APLF: variants seen among roughly 807,000 people sequenced by gnomAD.
APLF encodes the protein aprataxin and PNKP like factor.
Under a neutral mutation model 55.6 loss-of-function variants are expected in APLF, and 61 were observed. That is an observed-to-expected ratio of 1.10 (90% confidence interval 0.89 to 1.36). APLF has a LOEUF of 1.36. Ranked by LOEUF, APLF falls within the 40% of genes most tolerant of loss-of-function variation. The pLI, the probability that APLF is intolerant of heterozygous loss-of-function variation, is 0.00. For missense variants in APLF, 611 were observed against 602.5 expected, an observed-to-expected ratio of 1.01 and a Z score of -0.15; for synonymous variants, 207 against 214.8, an observed-to-expected ratio of 0.96 and a Z score of 0.32.
At chr2:68,542,818 A>G (rs1425294171) in intron 7 of APLF, among the ~76,000 whole-genome samples, 1 of 152,210 alleles carries the variant, frequency 6.6e-6, no homozygotes, top group African/African-American at 2.4e-5. Context: ...GTATATATCC[A>G]TAAGAATTGA....
rs1669455205 is a variant in APLF, at chr2:68,513,246, C to T, written c.489+19C>T. The T allele has an allele frequency of 6.3e-7, 1 of 1,591,772 alleles. No homozygotes were observed. The highest frequency in any genetic ancestry group is 8.5e-7 in the Non-Finnish European group (1 of 1,171,378). Reference sequence around the variant, plus strand: ...TAGTGTGGTGAGAAATTTGATATCTCATCCATTTATAACATGTTCTTCAAG... The same window carrying T: ...TAGTGTGGTGAGAAATTTGATATCTTATCCATTTATAACATGTTCTTCAAG... On this transcript the variant is annotated intron_variant, in intron 4 of 9. Coordinates refer to ENST00000303795, the MANE Select transcript of APLF (RefSeq NM_173545.3).
At chr2:68,519,602 C>T (rs1669831971) in intron 5 of APLF, among the ~76,000 whole-genome samples, 1 of 149,100 alleles carries the variant, frequency 6.7e-6, no homozygotes, top group Admixed American at 6.7e-5. Flanking sequence ...TTCCTTCCTG[C>T]AAATTGAGGA....
chr2:68,486,099 G>GT (rs533870702), intron 1 of APLF, among the ~76,000 whole-genome samples: 37 of 152,046 alleles, frequency 2.4e-4, no homozygotes, highest in Non-Finnish European at 4.3e-4. Flanking sequence ...GTCAATCAGA[G>GT]TTTTTTTGCA....
At chr2:68,506,383 A>C (rs563747786) in intron 3 of APLF, among the ~76,000 whole-genome samples, 1 of 151,624 alleles carries the variant, frequency 6.6e-6, no homozygotes, top group Non-Finnish European at 1.5e-5. Flanking sequence ...AGCAAGGGGA[A>C]GTGGACTATG....
intron 5 of APLF, among the ~76,000 whole-genome samples, chr2:68,519,031 G>GAATATATAATATATT (rs1669799191): frequency 9.5e-6 from 1 of 105,804 alleles, no homozygotes. Flanking sequence ...TATAATATAT[G>GAATATATAATATATT]ATTAATATAT....
rs550618591 is a variant in APLF, at chr2:68,579,314, G to A, written c.*1292G>A. On this transcript the variant is annotated 3_prime_UTR_variant, in exon 10 of 10. Coordinates refer to ENST00000303795, the MANE Select transcript of APLF (RefSeq NM_173545.3). Reference sequence around the variant, plus strand: ...ATTTTTATCTCTTATTGTTATTTGGGAACTATTTTTCCCCTTATAATGTCC... The same window carrying A: ...ATTTTTATCTCTTATTGTTATTTGGAAACTATTTTTCCCCTTATAATGTCC... The A allele has an allele frequency of 4.4e-6, 4 of 900,258 alleles. No homozygotes were observed. Among genetic ancestry groups the A allele is most frequent in the Non-Finnish European group, 4.0e-6 (3 of 752,772 alleles). 55.8% of individuals were successfully genotyped at this position (900,258 alleles called of 1,614,324 possible). A position where few individuals can be genotyped will look rare whatever the true frequency, so the allele number is the denominator to read the frequency against.
intron 6 of APLF, among the ~76,000 whole-genome samples, chr2:68,532,182 A>G (rs1468433378): frequency 1.3e-5 from 2 of 152,216 alleles, no homozygotes; most frequent in Non-Finnish European, 2.9e-5. Flanking sequence ...GCTGTAGTGC[A>G]GAGCAGGTGA....
chr2:68,532,147 T>C (rs998220605), intron 6 of APLF, among the ~76,000 whole-genome samples: 5 of 152,138 alleles, frequency 3.3e-5, no homozygotes, highest in Non-Finnish European at 7.4e-5. Flanking sequence ...ACTGAACCTT[T>C]AGAACAGCTA....
At chr2:68,546,368 G>T (rs1415524727) in intron 8 of APLF, among the ~76,000 whole-genome samples, 1 of 151,942 alleles carries the variant, frequency 6.6e-6, no homozygotes, top group East Asian at 1.9e-4. Flanking sequence ...TTTTTACACA[G>T]ACTACTCCAA....
intron 7 of APLF, 52 bp downstream of exon 7, chr2:68,538,279 CT>C: frequency 6.8e-7 from 1 of 1,474,626 alleles, no homozygotes; most frequent in Non-Finnish European, 9.2e-7. Context: ...TAGCGTGTAG[CT>C]ATGTAGATAC....
chr2:68,475,424 A>C (rs1039853403), intron 1 of APLF, among the ~76,000 whole-genome samples: 1 of 152,236 alleles, frequency 6.6e-6, no homozygotes, highest in Non-Finnish European at 1.5e-5. Flanking sequence ...AAAGTGATGC[A>C]TATTAATCAG....
intron 9 of APLF, 71 bp downstream of exon 9, chr2:68,567,458 G>T (rs1480105191): frequency 2.5e-6 from 3 of 1,196,330 alleles, no homozygotes; most frequent in East Asian, 2.5e-5. Context: ...CTAGTTTCCA[G>T]TTATTATGAA....
chr2:68,518,489 TTAA>T (rs1483455763), intron 5 of APLF, among the ~76,000 whole-genome samples: 12 of 113,960 alleles, frequency 1.1e-4, no homozygotes, highest in African/African-American at 2.9e-4. Flanking sequence ...CATAATAACA[TTAA>T]TAATATATAA....
chr2:68,518,089 T>C (rs1441914947), intron 5 of APLF, among the ~76,000 whole-genome samples: 2 of 132,526 alleles, frequency 1.5e-5, no homozygotes, highest in African/African-American at 5.5e-5. Context: ...ATAATATTAA[T>C]ATATATTAAT....
intron 1 of APLF, among the ~76,000 whole-genome samples, chr2:68,476,022 A>G (rs1167881566): frequency 1.3e-5 from 2 of 151,662 alleles, no homozygotes; most frequent in Non-Finnish European, 2.9e-5. Flanking sequence ...CAAATCCTAT[A>G]CTAGATGACT....
chr2:68,575,132 A>G (rs1671587370), intron 9 of APLF, among the ~76,000 whole-genome samples: 1 of 151,476 alleles, frequency 6.6e-6, no homozygotes, highest in Non-Finnish European at 1.5e-5. Context: ...AAGGGTGTGT[A>G]CATGGTATGG....
chr2:68,561,426 A>C (rs1464673812), intron 8 of APLF, among the ~76,000 whole-genome samples: 1 of 152,154 alleles, frequency 6.6e-6, no homozygotes, highest in African/African-American at 2.4e-5. Context: ...AGATGAGAAC[A>C]GGCCCAAGAC....
chr2:68,528,339 G>A (rs1456519814), intron 6 of APLF: 1 of 1,500,270 alleles, frequency 6.7e-7, no homozygotes, highest in African/African-American at 1.4e-5. Flanking sequence ...TTGCCCTGCT[G>A]GAGGCGTCCT....
At chr2:68,500,129 A>G (rs1676676486) in intron 2 of APLF, among the ~76,000 whole-genome samples, 1 of 151,926 alleles carries the variant, frequency 6.6e-6, no homozygotes, top group Non-Finnish European at 1.5e-5. Context: ...TACTTTTTGG[A>G]CTTCATGTAC....
Sources: allele counts gnomAD v4.1 joint callset (sites outside exome capture counted in the v4.1 genomes callset), GRCh38; gene constraint gnomAD v4.1.1; transcripts MANE v1.5; gene names NCBI Gene and HGNC (gene_info 2026-07-23, HGNC 2026-07-21).